TENM1: variants seen among roughly 807,000 people sequenced by gnomAD.
The protein encoded by TENM1 is teneurin-1.
A neutral mutation model predicts 174.8 loss-of-function variants in TENM1; 35 were observed. The observed-to-expected ratio is 0.20, with a 90% CI of 0.15 to 0.27. The LOEUF (loss-of-function observed/expected upper bound fraction) is 0.27. Among genes scored for constraint, TENM1 ranks in the 10% least tolerant of loss-of-function variants. TENM1 has a pLI of 1.00. For missense variants in TENM1, 1,633 were observed against 2,130.1 expected (o/e 0.77, Z 4.59); for synonymous variants, 781 against 798.7 (o/e 0.98, Z 0.37).
intron 10 of TENM1, 45 bp downstream of exon 13, chrX:124,645,098 A>C (rs1240482021): frequency 8.7e-7 from 1 of 1,153,421 alleles, no homozygotes; most frequent in Non-Finnish European, 1.2e-6. Context: ...TGGACAACTG[A>C]GTGAGAGAAA....
rs535396666 is a variant in TENM1 at position 124,479,972 on chromosome X, G to T, written c.3949+1760C>A. Among the ~76,000 whole-genome samples the T allele has an allele frequency of 5.1e-4, 57 of 111,544 alleles. 1 individual carries two copies. The South Asian group carries it at 0.021, about 41-fold the overall frequency. On this transcript the variant is annotated intron_variant, in intron 22 of 31. Transcript: ENST00000422452. ...AAGAAAAAATTTACCATAATACTTG[G>T]GGCGGGGCTTGTGTTCCCTTAGGGA...
rs918994548 is a variant in TENM1, at chrX:124,384,498, T to C, written c.6433A>G (p.Ile2145Val). The C allele has an allele frequency of 2.5e-6, 3 of 1,210,820 alleles. No homozygotes were observed. The highest frequency in any genetic ancestry group is 4.6e-4 in the Middle Eastern group (2 of 4,349). ...ATATTGGCATCTACTCCTACCCTTA[T>C]GTCACATATTACCATGCGGCCCACA... Residue 2145 changes from isoleucine to valine, a missense_variant, in exon 30 of 32, where the codon ATA (isoleucine) becomes GTA (valine). Physicochemically the swap from Ile to Val is conservative, Grantham distance 29. Around this residue, in one of 4 missense-constraint regions of TENM1, gnomAD observed 807 missense variants for 1,125.3 expected, o/e 0.72. Transcript: ENST00000422452.
At chrX:124,575,716 G>A (rs894975344) in intron 11 of TENM1, among the ~76,000 whole-genome samples, 5 of 112,101 alleles carry the variant, frequency 4.5e-5, no homozygotes, top group African/African-American at 6.5e-5. Flanking sequence ...TTTTGAATTC[G>A]ATAAAATAAG....
chrX:124,926,773 C>G (rs1461532429), intron 1 of TENM1, among the ~76,000 whole-genome samples: 5 of 112,129 alleles, frequency 4.5e-5, no homozygotes, highest in Admixed American at 1.9e-4. Context: ...AACTTGAATT[C>G]ACATCAAGTT....
At chrX:124,810,803 A>C (rs1234917981) in intron 3 of TENM1, among the ~76,000 whole-genome samples, 1 of 111,682 alleles carries the variant, frequency 9.0e-6, no homozygotes, top group Non-Finnish European at 1.9e-5. Context: ...ATATATTACA[A>C]AGTTACAGTA....
At chrX:124,965,576 C>T (rs755540283), upstream of TENM1, among the ~76,000 whole-genome samples, 7 of 111,439 alleles carry the variant, frequency 6.3e-5, no homozygotes, top group Non-Finnish European at 1.1e-4. Context: ...TAGGCACACA[C>T]GTAGTAGAAA....
At chrX:124,551,580 A>T (rs2048575142) in intron 14 of TENM1, among the ~76,000 whole-genome samples, 1 of 110,761 alleles carries the variant, frequency 9.0e-6, no homozygotes, top group Non-Finnish European at 1.9e-5. Flanking sequence ...CCCCAGAACA[A>T]AGGGACAAGA....
At chrX:125,029,296 C>T in the TENM1 span, among the ~76,000 whole-genome samples, 8,408 of 111,842 alleles carry the variant, frequency 0.075, 761 homozygotes, top group African/African-American at 0.26. Flanking sequence ...AATTTATCCT[C>T]AGGCTACATC....
intron 11 of TENM1, among the ~76,000 whole-genome samples, chrX:124,636,137 T>A (rs760115181): frequency 6.3e-5 from 7 of 111,733 alleles, no homozygotes; most frequent in African/African-American, 9.8e-5. Flanking sequence ...TGGAAGAAAA[T>A]GATCAATGGC....
exon 32 of TENM1, chrX:124,378,866 T>C (rs1403592413): frequency 8.9e-6 from 1 of 112,238 alleles, no homozygotes; most frequent in Admixed American, 9.5e-5. Flanking sequence ...TGCATTTAGG[T>C]AGCATCTGGA....
chrX:124,523,559 A>C (rs780137985), exon 17 of TENM1: 2 of 1,211,701 alleles, frequency 1.7e-6, no homozygotes, highest in South Asian at 3.5e-5. Context: ...TTCTCTTCTC[A>C]GGCAGGAAAG....
At chrX:125,092,158 A>T in the TENM1 span, among the ~76,000 whole-genome samples, 12 of 110,956 alleles carry the variant, frequency 1.1e-4, no homozygotes, top group Admixed American at 9.6e-5. Flanking sequence ...CCTTGTATAT[A>T]AATTTATTTT....
chrX:124,813,509 A>T (rs745524388), intron 3 of TENM1, among the ~76,000 whole-genome samples: 1 of 112,026 alleles, frequency 8.9e-6, no homozygotes, highest in South Asian at 3.7e-4. Context: ...TAACTACAGT[A>T]TGTTTTTGTA....
intron 5 of TENM1, among the ~76,000 whole-genome samples, chrX:124,704,013 C>T (rs1016471930): frequency 1.8e-5 from 2 of 112,067 alleles, no homozygotes; most frequent in Non-Finnish European, 3.8e-5. Context: ...CTATGATGCC[C>T]ACACAAACTC....
At chrX:125,179,074 C>T in the TENM1 span, among the ~76,000 whole-genome samples, 1 of 111,168 alleles carries the variant, frequency 9.0e-6, no homozygotes, top group Non-Finnish European at 1.9e-5. Context: ...AAATTAAAAA[C>T]GAATAAACAA....
the TENM1 span, among the ~76,000 whole-genome samples, chrX:125,173,546 T>A: frequency 1.8e-5 from 2 of 111,324 alleles, no homozygotes; most frequent in Non-Finnish European, 3.8e-5. Flanking sequence ...GCCATGGAGC[T>A]TATTGTCTCA....
chrX:125,161,097 A>G, the TENM1 span, among the ~76,000 whole-genome samples: 112 of 109,689 alleles, frequency 1.0e-3, 1 homozygote, highest in African/African-American at 3.6e-3. Context: ...TAAATAGGCA[A>G]ACAAAATATC....
At chrX:125,001,967 ACACAC>A in the TENM1 span, among the ~76,000 whole-genome samples, 1 of 101,940 alleles carries the variant, frequency 9.8e-6, no homozygotes, top group Non-Finnish European at 2.0e-5. Context: ...ACACACACAC[ACACAC>A]AAGATCAAGT....
Position 124,737,710 on chromosome X carries a change from A to C in TENM1, c.536-513T>G, listed in dbSNP as rs113311416. 5.6e-3 allele frequency among the ~76,000 whole-genome samples: 626 copies of C among 112,478 alleles called. 5 individuals are homozygous for C. The highest frequency in any genetic ancestry group is 0.019 in the African/African-American group (593 of 30,973). On this transcript the variant is annotated intron_variant, in intron 3 of 31. Transcript: ENST00000422452. ...ACGGGAGCAAATCCATATTTTAGAA[A>C]AACAGCTCACGAGTGTGTCGCTTGG...
Sources: allele counts gnomAD v4.1 joint callset (sites outside exome capture counted in the v4.1 genomes callset), GRCh38; gene constraint gnomAD v4.1.1; regional missense constraint gnomAD v4.1.1; transcripts MANE v1.5; gene names NCBI Gene and HGNC (gene_info 2026-07-23, HGNC 2026-07-21).